FMR1: variants seen among roughly 807,000 people sequenced by gnomAD.
FMR1 encodes the protein FMRP translational regulator 1.
In FMR1, 13 loss-of-function variants were observed where a neutral mutation model predicts 50.6. The observed-to-expected ratio is 0.26, with a 90% confidence interval of 0.17 to 0.41. FMR1 has a LOEUF of 0.41. FMR1 is among the 10% of genes least tolerant of loss of function. The pLI, the probability that FMR1 is intolerant of heterozygous loss-of-function variation, is 1.00. For missense variants in FMR1, 316 were observed against 491.3 expected (o/e 0.64, Z 3.37); for synonymous variants, 138 against 164.1 (o/e 0.84, Z 1.22).
At chrX:147,936,795 A>G (rs782564938) in intron 10 of FMR1, among the ~76,000 whole-genome samples, 182 bp downstream of exon 10, 41 of 111,784 alleles carry the variant, frequency 3.7e-4, no homozygotes, top group Non-Finnish European at 6.6e-4. Flanking sequence ...TAATGCAGTG[A>G]GTTTGGATTA....
intron 12 of FMR1, among the ~76,000 whole-genome samples, chrX:147,938,562 C>T (rs940322177): frequency 1.8e-5 from 2 of 111,514 alleles, no homozygotes; most frequent in South Asian, 3.8e-4. Context: ...GTGTACTTGC[C>T]GAAGATCCCC....
At position 147,928,800 on chromosome X, in the gene FMR1, C is replaced by G; in HGVS notation, c.412C>G (p.Arg138Gly). Residue 138 changes from arginine (R) to glycine (G), a missense_variant, in exon 5 of 17, where the codon CGG becomes GGG. Transcript: ENST00000370475. ...CAAGCTGGATGTGCCAGAAGACTTA[C>G]GGCAAATGTAAGTTGATACACAAGA... ...KIKLDVPEDL[R>G]QMCAKEAAHK... 3.3e-6 allele frequency: 4 copies of G among 1,209,133 alleles called. No homozygotes were observed. Among genetic ancestry groups the G allele is most frequent in the Non-Finnish European group, 4.5e-6 (4 of 893,519 alleles).
intron 1 of FMR1, among the ~76,000 whole-genome samples, chrX:147,917,728 C>T (rs1557175517): frequency 9.0e-6 from 1 of 111,642 alleles, no homozygotes; most frequent in East Asian, 2.8e-4. Context: ...TTATTTAGTG[C>T]CACCTATGTG....
chrX:147,931,541 G>C (rs1009357400), intron 7 of FMR1, among the ~76,000 whole-genome samples: 3 of 111,787 alleles, frequency 2.7e-5, no homozygotes, highest in African/African-American at 9.7e-5. Flanking sequence ...TAATATTAAA[G>C]AGATTTACAT....
At chrX:147,929,510 A>G (rs2043514278) in intron 5 of FMR1, among the ~76,000 whole-genome samples, 1 of 109,170 alleles carries the variant, frequency 9.2e-6, no homozygotes, top group Admixed American at 1.0e-4. Context: ...TGCTTATTTC[A>G]TATTGCATGC....
intron 3 of FMR1, 171 bp from the exon 4 acceptor site, chrX:147,928,151 C>T (rs1216366726): frequency 1.9e-5 from 8 of 432,053 alleles, no homozygotes; most frequent in Non-Finnish European, 3.3e-5. Flanking sequence ...TTATGTATCT[C>T]TGCCTACCTC....
chrX:147,938,772 C>T (rs1557180136), intron 12 of FMR1, among the ~76,000 whole-genome samples: 1 of 111,950 alleles, frequency 8.9e-6, no homozygotes, highest in Non-Finnish European at 1.9e-5. Context: ...TGCCATTTTA[C>T]AAAGAGGACT....
chrX:147,919,712 C>T (rs1289665852), intron 1 of FMR1, among the ~76,000 whole-genome samples: 1 of 111,917 alleles, frequency 8.9e-6, no homozygotes, highest in East Asian at 2.8e-4. Context: ...TTTCTTTTAG[C>T]GTAGCTTTAC....
At chrX:147,943,437 C>T (rs1418042684) in intron 14 of FMR1, 111 bp downstream of exon 14, 2 of 688,725 alleles carry the variant, frequency 2.9e-6, no homozygotes, top group Non-Finnish European at 4.6e-6. Context: ...ACATGGTTTC[C>T]AATTCACAGT....
rs368702689 is a variant in FMR1 at position 147,944,865 on chromosome X, A to G, written c.1472-4A>G. The stretch of plus-strand genomic sequence containing the variant: ...AATGGTATATAACTTTTAACTCTCG[A>G]TAGGAACTAATTCTGAAGCATCAAA... On this transcript the variant is annotated splice_polypyrimidine_tract_variant and splice_region_variant and intron_variant, in intron 14 of 16. Coordinates refer to ENST00000370475, the MANE Select transcript of FMR1 (RefSeq NM_002024.6). 8.3e-7 allele frequency: 1 copy of G among 1,202,699 alleles called. No homozygotes were observed. Among genetic ancestry groups the G allele is most frequent in the African/African-American group, 1.8e-5 (1 of 55,160 alleles).
intron 12 of FMR1, 25 bp downstream of exon 12, chrX:147,938,186 AC>A (rs1237773880): frequency 7.3e-6 from 8 of 1,094,964 alleles, no homozygotes; most frequent in Non-Finnish European, 1.0e-5. Context: ...CTTGAGAAAT[AC>A]ACTTTCAGTT....
chrX:147,949,651 G>A lies in FMR1; in HGVS notation c.*807G>A, dbSNP rs1332068270. ...ATTGAGAGAGATGTGTAATTTTTCTGTATAGACAGGAGAAGAAAGAACTAT... is the reference window on the plus strand; with the variant it reads ...ATTGAGAGAGATGTGTAATTTTTCTATATAGACAGGAGAAGAAAGAACTAT... On this transcript the variant is annotated 3_prime_UTR_variant, in exon 17 of 17. Transcript: ENST00000370475. 1 of 329,346 alleles carries A rather than the reference G, an allele frequency of 3.0e-6. No homozygotes were observed. The highest frequency in any genetic ancestry group is 5.9e-6 in the Non-Finnish European group (1 of 169,867). 27.1% of individuals were successfully genotyped at this position (329,346 alleles called of 1,213,427 possible).
rs2044127091 is a variant in FMR1 at position 147,945,012 on chromosome X, A to G, written c.1615A>G (p.Arg539Gly). Reference sequence around the variant, plus strand: ...CGGACGGCGGCGTGGAGGGGGAGGAAGAGGACAAGGAGGAAGAGGACGTGG... The same window carrying G: ...CGGACGGCGGCGTGGAGGGGGAGGAGGAGGACAAGGAGGAAGAGGACGTGG... ...GDGRRRGGGG[R>G]GQGGRGRGGG... Residue 539 changes from arginine to glycine, a missense_variant, in exon 15 of 17, where the codon AGA (arginine) becomes GGA (glycine). Coordinates refer to ENST00000370475, the MANE Select transcript of FMR1 (RefSeq NM_002024.6). The G allele has an allele frequency of 2.5e-6, 3 of 1,191,905 alleles. No individual in the cohort carries two copies. The highest frequency in any genetic ancestry group is 3.4e-6 in the Non-Finnish European group (3 of 884,775).
At position 147,943,339 on chromosome X, in the gene FMR1, C is replaced by T; in HGVS notation, c.1471+13C>T. 1 of 1,172,335 alleles carries T rather than the reference C, an allele frequency of 8.5e-7. No homozygotes were observed. Among genetic ancestry groups the T allele is most frequent in the Non-Finnish European group, 1.2e-6 (1 of 859,612 alleles). On this transcript the variant is annotated intron_variant, in intron 14 of 16. Coordinates refer to ENST00000370475, the MANE Select transcript of FMR1 (RefSeq NM_002024.6). Reference sequence around the variant, plus strand: ...GGATATACTTCAGGTACAAACTAAGCATTTTACTCAGTAACTTTATCTGTT... The same window carrying T: ...GGATATACTTCAGGTACAAACTAAGTATTTTACTCAGTAACTTTATCTGTT...
intron 9 of FMR1, among the ~76,000 whole-genome samples, chrX:147,934,200 G>GT (rs1281035642): frequency 2.0e-5 from 2 of 101,340 alleles, no homozygotes; most frequent in Non-Finnish European, 2.0e-5. Flanking sequence ...GCTGGTAGTT[G>GT]TTTTGTTTTT....
rs1557173985 is a variant in FMR1, at chrX:147,912,179, G to A, written c.-1G>A. On this transcript the variant is annotated 5_prime_UTR_variant, in exon 1 of 17. Coordinates refer to ENST00000370475, the MANE Select transcript of FMR1 (RefSeq NM_002024.6). ...CCGGCGCTAGCAGGGCTGAAGAGAAGATGGAGGAGCTGGTGGTGGAAGTGC... is the reference window on the plus strand; with the variant it reads ...CCGGCGCTAGCAGGGCTGAAGAGAAAATGGAGGAGCTGGTGGTGGAAGTGC... 7 of 1,157,581 alleles carry A rather than the reference G, an allele frequency of 6.0e-6. No individual in the cohort carries two copies. In the Middle Eastern group the frequency reaches 8.1e-4, roughly 134 times the overall value.
At chrX:147,913,264 CAACT>C (rs2042683400) in intron 1 of FMR1, 1 of 112,227 alleles carries the variant, frequency 8.9e-6, no homozygotes, top group African/African-American at 3.2e-5. Flanking sequence ...CATTGCAGAT[CAACT>C]AACACCTTTC....
intron 1 of FMR1, chrX:147,913,605 A>C (rs868982357): frequency 3.6e-5 from 4 of 112,407 alleles, no homozygotes; most frequent in Non-Finnish European, 7.5e-5. Flanking sequence ...TTTGGAGATC[A>C]GTATATTTCA....
At chrX:147,932,962 T>C (rs2043655479) in intron 9 of FMR1, among the ~76,000 whole-genome samples, 199 bp downstream of exon 9, 2 of 109,905 alleles carry the variant, frequency 1.8e-5, no homozygotes, top group South Asian at 4.0e-4. Context: ...TAGTTACATA[T>C]GTATACACGT....
Sources: gnomAD v4.1 joint callset for allele counts (sites outside exome capture counted in the v4.1 genomes callset) on GRCh38, gnomAD v4.1.1 for gene constraint, MANE v1.5 for transcripts, NCBI Gene and HGNC (gene_info 2026-07-23, HGNC 2026-07-21) for gene names.